CASP8: variants seen among roughly 807,000 people sequenced by gnomAD.
The protein encoded by CASP8 is caspase 8.
Under a neutral mutation model 46.3 loss-of-function variants are expected in CASP8, and 24 were observed. That is an observed-to-expected ratio of 0.52 (90% confidence interval 0.38 to 0.73). CASP8 has a LOEUF of 0.73. CASP8 is among the 30% of genes least tolerant of loss of function. The pLI, the probability that CASP8 is intolerant of heterozygous loss-of-function variation, is 0.00. For missense variants in CASP8, 460 were observed against 559.0 expected, an observed-to-expected ratio of 0.82 and a Z score of 1.79; for synonymous variants, 188 against 200.4, an observed-to-expected ratio of 0.94 and a Z score of 0.52.
chr2:201,267,560 C>T (rs1947910261), intron 2 of CASP8, among the ~76,000 whole-genome samples: 1 of 152,114 alleles, frequency 6.6e-6, no homozygotes. Flanking sequence ...TCAGCTTCTC[C>T]CCACCCTAGG....
rs1216365942 is a variant in CASP8, at chr2:201,272,171, G to T, written c.412-467G>T. ...GTGTGTATTGTATTTATGCCCCTGT[G>T]TGTGTATCACTGAGTATACTCTGTG... On this transcript the variant is annotated intron_variant, in intron 3 of 8. Transcript: ENST00000673742. This position sits in a 1 kb window ranked among gnomAD's most constrained non-coding sequence, Gnocchi z 4.4. Among the ~76,000 whole-genome samples the T allele has an allele frequency of 4.6e-5, 7 of 151,648 alleles. No individual in the cohort carries two copies. Among genetic ancestry groups the T allele is most frequent in the Non-Finnish European group, 8.8e-5 (6 of 67,896 alleles).
At chr2:201,258,322 G>A (rs775130430), upstream of CASP8, 5 of 1,614,090 alleles carry the variant, frequency 3.1e-6, no homozygotes, top group East Asian at 2.2e-5. Context: ...TGCTGAGCAC[G>A]TGGAGTTAGG....
chr2:201,256,084 C>T (rs1236635111), upstream of CASP8, among the ~76,000 whole-genome samples: 1 of 152,124 alleles, frequency 6.6e-6, no homozygotes, highest in East Asian at 1.9e-4. Context: ...TGTGGAAGGC[C>T]CAGGCACTAT....
At chr2:201,274,867 T>C (rs1179465819) in intron 5 of CASP8, 22 bp from the exon 6 acceptor site, 5 of 1,586,700 alleles carry the variant, frequency 3.2e-6, no homozygotes, top group African/African-American at 1.3e-5. Context: ...TCATTCTAGA[T>C]GTGTCTCTTC....
chr2:201,254,988 G>A (rs1452947147), intron 2 of CASP8, among the ~76,000 whole-genome samples: 1 of 152,230 alleles, frequency 6.6e-6, no homozygotes, highest in Non-Finnish European at 1.5e-5. Context: ...GTCTCAAGAT[G>A]AGGGTGAGAA....
chr2:201,247,304 A>G (rs1221417241), intron 2 of CASP8, among the ~76,000 whole-genome samples: 2 of 150,060 alleles, frequency 1.3e-5, no homozygotes, highest in Non-Finnish European at 3.0e-5. Flanking sequence ...CATCAGGGTG[A>G]GACTTTTCTT....
chr2:201,260,311 T>C (rs973019922), upstream of CASP8, among the ~76,000 whole-genome samples: 2 of 152,160 alleles, frequency 1.3e-5, no homozygotes, highest in African/African-American at 2.4e-5. Flanking sequence ...AAAGGTAAAA[T>C]GGCCCATCCA....
intron 2 of CASP8, chr2:201,243,017 A>C (rs1946367069): frequency 6.6e-6 from 1 of 152,506 alleles, no homozygotes; most frequent in Non-Finnish European, 1.5e-5. Flanking sequence ...TACATGTGGT[A>C]TCTAAAGTAG....
chr2:201,282,699 C>T (rs1949165884), intron 7 of CASP8, among the ~76,000 whole-genome samples: 1 of 84,482 alleles, frequency 1.2e-5, no homozygotes, highest in African/African-American at 3.8e-5. Flanking sequence ...GGGGCTGTTC[C>T]CCCCACCTCC....
At chr2:201,279,590 T>A (rs1948867977) in intron 7 of CASP8, among the ~76,000 whole-genome samples, 4 of 152,238 alleles carry the variant, frequency 2.6e-5, no homozygotes, top group Admixed American at 1.3e-4. Context: ...TTCAGTCGAC[T>A]TTTTAATGGA....
intron 6 of CASP8, 107 bp downstream of exon 6, chr2:201,275,060 A>T: frequency 2.5e-6 from 2 of 815,186 alleles, no homozygotes; most frequent in Admixed American, 2.6e-5. Flanking sequence ...AGGGGCAGAA[A>T]CTTACTGAAA....
intron 2 of CASP8, among the ~76,000 whole-genome samples, chr2:201,248,363 G>A (rs541018500): frequency 2.0e-5 from 3 of 152,214 alleles, no homozygotes; most frequent in East Asian, 1.9e-4. Context: ...GTGAATGTCC[G>A]TCCAGATGAG....
intron 2 of CASP8, chr2:201,241,041 C>CA (rs1946276619): frequency 6.6e-6 from 1 of 151,990 alleles, no homozygotes; most frequent in Non-Finnish European, 1.5e-5. Flanking sequence ...CAAAGAAGTA[C>CA]TAAGAGGTAC....
At chr2:201,262,058 T>C (rs530234039) in intron 1 of CASP8, 42 of 152,146 alleles carry the variant, frequency 2.8e-4, no homozygotes, top group Admixed American at 4.6e-4. Context: ...TTTTTTGAAA[T>C]GTTGTTCTCT....
chr2:201,234,447 TTC>T (rs919483035), intron 2 of CASP8, among the ~76,000 whole-genome samples: 6 of 152,092 alleles, frequency 3.9e-5, no homozygotes, highest in African/African-American at 1.4e-4. Context: ...TGAAAAGTTA[TTC>T]TTTTTTATTT....
At position 201,285,040 on chromosome 2, in the gene CASP8, T is replaced by G. The variant is rs1214071387; in HGVS notation, c.1027T>G (p.Leu343Val). The G allele has an allele frequency of 6.2e-7, 1 of 1,614,206 alleles. No homozygotes were observed. The highest frequency in any genetic ancestry group is 2.2e-5 in the East Asian group (1 of 44,884). ...TGAGCTGACATCTCAGTTCACTGGT[T>G]TGAAGTGCCCTTCCCTTGCTGGAAA... ...IYELTSQFTG[L>V]KCPSLAGKPK... Residue 343 changes from leucine to valine, a missense_variant, in exon 8 of 9, where the codon TTG (leucine) becomes GTG (valine). Transcript: ENST00000673742.
intron 6 of CASP8, among the ~76,000 whole-genome samples, chr2:201,275,734 C>T (rs373810861): frequency 6.6e-6 from 1 of 152,250 alleles, no homozygotes; most frequent in East Asian, 1.9e-4. Context: ...ATCTTAGTAT[C>T]TTTTTCCTTT....
intron 1 of CASP8, among the ~76,000 whole-genome samples, chr2:201,263,986 T>A (rs564682536): frequency 1.3e-5 from 2 of 152,380 alleles, no homozygotes; most frequent in African/African-American, 4.8e-5. Flanking sequence ...CACGCCCACA[T>A]CTGTGTGTAA....
intron 2 of CASP8, among the ~76,000 whole-genome samples, chr2:201,268,757 G>C (rs767048117): frequency 6.6e-6 from 1 of 152,056 alleles, no homozygotes; most frequent in South Asian, 2.1e-4. Context: ...TCCCTGCTTC[G>C]GGTGGGTGGA....
Sources: gnomAD v4.1 joint callset for allele counts (sites outside exome capture counted in the v4.1 genomes callset) on GRCh38, gnomAD v4.1.1 for gene constraint, Gnocchi (gnomAD v3.1) non-coding constraint, MANE v1.5 for transcripts, NCBI Gene and HGNC (gene_info 2026-07-23, HGNC 2026-07-21) for gene names.